Variants in CLSTN2 observed in about 807,000 individuals in gnomAD.
CLSTN2 encodes calsyntenin 2, also known as calsyntenin-2.
In CLSTN2, 48 loss-of-function variants were observed where a neutral mutation model predicts 101.2. The observed-to-expected ratio is 0.47, with a 90% CI of 0.38 to 0.60. The LOEUF (loss-of-function observed/expected upper bound fraction) is 0.60. CLSTN2 is among the 20% of genes least tolerant of loss of function. The probability of loss-of-function intolerance (pLI) is 0.00; values close to 1 mark genes in which losing one functional copy is unlikely to be tolerated. For missense variants in CLSTN2, 1,160 were observed against 1,238.2 expected, an observed-to-expected ratio of 0.94 and a Z score of 0.95; for synonymous variants, 481 against 463.6, an observed-to-expected ratio of 1.04 and a Z score of -0.48.
At chr3:140,361,037 T>A (rs184175405) in intron 2 of CLSTN2, among the ~76,000 whole-genome samples, 1 of 152,270 alleles carries the variant, frequency 6.6e-6, no homozygotes. Context: ...GATATCTAAG[T>A]CAAACAAAGG....
chr3:140,035,985 C>G (rs1022831660), intron 1 of CLSTN2, among the ~76,000 whole-genome samples: 1 of 152,200 alleles, frequency 6.6e-6, no homozygotes, highest in Admixed American at 6.5e-5. Flanking sequence ...AGCAGGGAGC[C>G]AGGGCTCCCT....
At chr3:140,358,768 T>G (rs1415618273) in intron 2 of CLSTN2, among the ~76,000 whole-genome samples, 8 of 152,050 alleles carry the variant, frequency 5.3e-5, no homozygotes, top group Admixed American at 2.6e-4. Context: ...ATCCCATTAG[T>G]CTGGGGGTGA....
intron 8 of CLSTN2, among the ~76,000 whole-genome samples, chr3:140,522,687 T>C (rs1029958370): frequency 6.6e-6 from 1 of 152,230 alleles, no homozygotes; most frequent in Non-Finnish European, 1.5e-5. Flanking sequence ...TTGGAATTTA[T>C]CATTTTGTCA....
chr3:140,042,717 C>T (rs138674323), intron 1 of CLSTN2, among the ~76,000 whole-genome samples: 69 of 152,242 alleles, frequency 4.5e-4, no homozygotes, highest in African/African-American at 1.5e-3. Flanking sequence ...TGTTCCCCAC[C>T]CTGTGTCCAA....
At chr3:140,021,463 G>T (rs567770120) in intron 1 of CLSTN2, among the ~76,000 whole-genome samples, 6 of 152,276 alleles carry the variant, frequency 3.9e-5, no homozygotes, top group African/African-American at 1.4e-4. Flanking sequence ...CCTATGTTTA[G>T]CTCCCAGACA....
chr3:140,439,753 GCACA>G (rs10607498), intron 5 of CLSTN2, among the ~76,000 whole-genome samples: 5,251 of 151,416 alleles, frequency 0.035, 121 homozygotes, highest in Non-Finnish European at 0.052. Flanking sequence ...GCACACACAC[GCACA>G]CACACACACA....
intron 2 of CLSTN2, among the ~76,000 whole-genome samples, chr3:140,195,124 C>T (rs1026835289): frequency 2.6e-5 from 4 of 152,200 alleles, no homozygotes; most frequent in African/African-American, 9.6e-5. Context: ...TCTACTTACT[C>T]TTTGCTGACC....
chr3:140,044,826 T>A (rs1306170441), intron 1 of CLSTN2, among the ~76,000 whole-genome samples: 1 of 152,206 alleles, frequency 6.6e-6, no homozygotes, highest in African/African-American at 2.4e-5. Context: ...ATATGCTGGA[T>A]TAAGTTTATT....
chr3:139,997,490 T>C (rs1169872019), intron 1 of CLSTN2, among the ~76,000 whole-genome samples: 2 of 152,242 alleles, frequency 1.3e-5, no homozygotes. Flanking sequence ...CTGTTTCTTT[T>C]ATACATTAAA....
intron 2 of CLSTN2, among the ~76,000 whole-genome samples, chr3:140,344,658 G>T (rs542761400): frequency 6.6e-6 from 1 of 152,142 alleles, no homozygotes; most frequent in East Asian, 1.9e-4. Context: ...ACCTCCCCTG[G>T]GGTACCTTCC....
In CLSTN2 at chr3:140,556,514, A is replaced by G. The variant is rs1425988552; in HGVS notation, c.1676A>G (p.Tyr559Cys). Residue 559 changes from tyrosine to cysteine, a missense_variant and splice_region_variant, in exon 11 of 17, where the codon TAT (tyrosine) becomes TGT (cysteine). Transcript: ENST00000458420. ...ATGATGCTCACTTTTGTCTTCCAGT[A>G]TCACTTCAACCCCTCGCAGTCCATC... ...SLESLGQGIK[Y>C]HFNPSQSILV... 1 of 1,614,008 alleles carries G rather than the reference A, an allele frequency of 6.2e-7. No individual in the cohort carries two copies. Among genetic ancestry groups the G allele is most frequent in the Non-Finnish European group, 8.5e-7 (1 of 1,179,914 alleles).
intron 2 of CLSTN2, among the ~76,000 whole-genome samples, chr3:140,288,954 CG>C: frequency 6.7e-6 from 1 of 149,634 alleles, no homozygotes; most frequent in South Asian, 2.1e-4. Flanking sequence ...CCTGATCCCC[CG>C]TGCCCTTTTC....
chr3:140,556,875 T>C (rs539920706), intron 11 of CLSTN2: 2 of 549,644 alleles, frequency 3.6e-6, no homozygotes, highest in South Asian at 4.4e-5. Context: ...TGAATCCACC[T>C]TTCTCTATCT....
At chr3:140,310,475 C>G (rs748501598) in intron 2 of CLSTN2, among the ~76,000 whole-genome samples, 2 of 152,250 alleles carry the variant, frequency 1.3e-5, no homozygotes, top group East Asian at 3.9e-4. Context: ...ACAACCCTTC[C>G]GCCCTCATTT....
At chr3:140,483,785 A>C (rs1053565946) in intron 8 of CLSTN2, among the ~76,000 whole-genome samples, 1 of 151,756 alleles carries the variant, frequency 6.6e-6, no homozygotes, top group African/African-American at 2.4e-5. Flanking sequence ...GATTTTATTT[A>C]TTTATTTATT....
At chr3:139,950,347 C>T (rs1935275809) in intron 1 of CLSTN2, among the ~76,000 whole-genome samples, 1 of 152,190 alleles carries the variant, frequency 6.6e-6, no homozygotes, top group African/African-American at 2.4e-5. Context: ...TGGATGAGAG[C>T]TAGGTTGCTA....
At chr3:140,187,069 CT>C (rs1188314707) in intron 2 of CLSTN2, among the ~76,000 whole-genome samples, 1 of 152,106 alleles carries the variant, frequency 6.6e-6, no homozygotes, top group Non-Finnish European at 1.5e-5. Context: ...TGGCCCTTTC[CT>C]TTTTTTGTGC....
chr3:140,295,778 C>T (rs969381394), intron 2 of CLSTN2, among the ~76,000 whole-genome samples: 2 of 152,136 alleles, frequency 1.3e-5, no homozygotes, highest in African/African-American at 2.4e-5. Flanking sequence ...GTCATATGAT[C>T]AGAAATGAGG....
chr3:140,202,637 A>C (rs1350526569), intron 2 of CLSTN2, among the ~76,000 whole-genome samples: 3 of 152,206 alleles, frequency 2.0e-5, no homozygotes, highest in African/African-American at 7.2e-5. Flanking sequence ...TGCAGAAATA[A>C]ATTTAGGACA....
Sources: gnomAD v4.1 joint callset for allele counts (sites outside exome capture counted in the v4.1 genomes callset) on GRCh38, gnomAD v4.1.1 for gene constraint, MANE v1.5 for transcripts, NCBI Gene and HGNC (gene_info 2026-07-23, HGNC 2026-07-21) for gene names.